Variants in LUC7L observed in about 807,000 individuals in gnomAD.
The protein encoded by LUC7L is LUC7 like, also known as putative RNA-binding protein Luc7-like 1.
LUC7L carries 29 observed loss-of-function variants against 51.1 expected under a neutral mutation model. The ratio of observed to expected loss-of-function variants is 0.57; its 90% CI spans 0.42 to 0.77. The LOEUF (loss-of-function observed/expected upper bound fraction) is 0.77, where lower values mean the gene tolerates loss of function less well. LUC7L is among the 30% of genes least tolerant of loss of function. The pLI, the probability that LUC7L is intolerant of heterozygous loss-of-function variation, is 0.00. For missense variants in LUC7L, 403 were observed against 511.9 expected (o/e 0.79, Z 2.05); for synonymous variants, 181 against 180.7 (o/e 1.00, Z -0.01).
intron 2 of LUC7L, among the ~76,000 whole-genome samples, chr16:221,269 C>T (rs1262205065): frequency 6.9e-6 from 1 of 144,796 alleles, no homozygotes; most frequent in East Asian, 2.1e-4. Context: ...GGTCTTGAAC[C>T]TCTGACCTCA....
chr16:225,110 C>A (rs1375043882), intron 2 of LUC7L, among the ~76,000 whole-genome samples: 1 of 152,100 alleles, frequency 6.6e-6, no homozygotes, highest in East Asian at 1.9e-4. Flanking sequence ...GTTTTTTACT[C>A]CACAACCTGT....
rs140331805 is a variant in LUC7L at position 205,972 on chromosome 16, T to A, written c.510+32A>T. The A allele has an allele frequency of 3.4e-5, 54 of 1,582,928 alleles. No homozygotes were observed. In the African/African-American group the frequency reaches 6.7e-4, roughly 20 times the overall value. Reference sequence around the variant, plus strand: ...GTCAACGCTGCCAAATTACTAAGATTTCTCTTGCCCTAAGGCACTTATCTC... The same window carrying A: ...GTCAACGCTGCCAAATTACTAAGATATCTCTTGCCCTAAGGCACTTATCTC... On this transcript the variant is annotated intron_variant, in intron 5 of 9. Coordinates refer to ENST00000293872, the MANE Select transcript of LUC7L (RefSeq NM_201412.3).
intron 6 of LUC7L, among the ~76,000 whole-genome samples, 198 bp downstream of exon 6, chr16:198,864 G>C (rs912089094): frequency 2.6e-5 from 4 of 151,942 alleles, no homozygotes; most frequent in African/African-American, 9.7e-5. Context: ...TTTTTCGGTA[G>C]AGACGGGGTT....
At chr16:228,932 C>T in intron 1 of LUC7L, 1 of 1,384,676 alleles carries the variant, frequency 7.2e-7, no homozygotes, top group Non-Finnish European at 9.5e-7. Context: ...TGCCAGCGAC[C>T]TGGAGCCCAC....
At chr16:189,651 A>G (rs540197981) in intron 9 of LUC7L, 2 of 1,322,140 alleles carry the variant, frequency 1.5e-6, no homozygotes, top group East Asian at 5.4e-5. Flanking sequence ...AATATCAAAA[A>G]CAAAAACCAA....
At chr16:197,246 C>G (rs950177877) in intron 6 of LUC7L, among the ~76,000 whole-genome samples, 2 of 122,078 alleles carry the variant, frequency 1.6e-5, no homozygotes, top group African/African-American at 6.3e-5. Context: ...CGGAGTCTTG[C>G]TCTGTCTCGT....
chr16:190,360 G>A (rs754266324), intron 8 of LUC7L, among the ~76,000 whole-genome samples, 181 bp downstream of exon 8: 16 of 151,936 alleles, frequency 1.1e-4, no homozygotes, highest in Non-Finnish European at 1.8e-4. Flanking sequence ...TGCAGGCCCC[G>A]ACCTTCCCTC....
chr16:201,244 A>T (rs1419095685), intron 5 of LUC7L, among the ~76,000 whole-genome samples: 1,551 of 38,936 alleles, frequency 0.04, 38 homozygotes, highest in African/African-American at 0.094. Flanking sequence ...TACATAACTA[A>T]AAAAAAAAAA....
intron 5 of LUC7L, among the ~76,000 whole-genome samples, chr16:201,384 G>A (rs1246663120): frequency 6.6e-6 from 1 of 151,172 alleles, no homozygotes; most frequent in Non-Finnish European, 1.5e-5. Context: ...CTCTGATTAT[G>A]TTGAGTAAAA....
chr16:215,996 GC>G (rs1477469367), intron 3 of LUC7L, among the ~76,000 whole-genome samples: 3 of 151,316 alleles, frequency 2.0e-5, no homozygotes, highest in African/African-American at 7.3e-5. Flanking sequence ...TGCCTGCCCA[GC>G]CCGGTTTACT....
intron 7 of LUC7L, chr16:190,927 C>T (rs1443450673): frequency 5.1e-6 from 1 of 195,228 alleles, no homozygotes; most frequent in Non-Finnish European, 1.0e-5. Flanking sequence ...CACCCCTATT[C>T]CTCACCCTCT....
intron 7 of LUC7L, 39 bp downstream of exon 7, chr16:192,888 G>A: frequency 1.3e-6 from 2 of 1,540,562 alleles, no homozygotes; most frequent in Non-Finnish European, 8.9e-7. Context: ...GAATGCCCGA[G>A]GCCAATGCAG....
chr16:206,640 A>C (rs753155312), intron 4 of LUC7L, among the ~76,000 whole-genome samples: 10 of 152,210 alleles, frequency 6.6e-5, no homozygotes, highest in Admixed American at 1.3e-4. Context: ...AGAGTGATGT[A>C]AATGGCACTC....
chr16:211,423 A>G (rs1425226597), intron 3 of LUC7L, among the ~76,000 whole-genome samples: 3 of 152,132 alleles, frequency 2.0e-5, no homozygotes, highest in African/African-American at 7.2e-5. Flanking sequence ...ACGCCACTGC[A>G]CTCCAGCCTG....
chr16:225,691 A>G (rs6600186), intron 2 of LUC7L, among the ~76,000 whole-genome samples: 92,204 of 150,458 alleles, frequency 0.61, 28,728 homozygotes, highest in African/African-American at 0.73. Flanking sequence ...ATCTATGTTG[A>G]TCAGGCTGGT....
chr16:191,204 T>C (rs1265483598), intron 7 of LUC7L, among the ~76,000 whole-genome samples: 1 of 152,140 alleles, frequency 6.6e-6, no homozygotes, highest in African/African-American at 2.4e-5. Context: ...CTCCAGTCTT[T>C]ACAACAGACA....
At position 202,244 on chromosome 16, in the gene LUC7L, A is replaced by G. The variant is rs918497506; in HGVS notation, c.511-3006T>C. 4.9e-5 allele frequency among the ~76,000 whole-genome samples: 6 copies of G among 121,352 alleles called. No homozygotes were observed. The East Asian group carries it at 1.1e-3, about 22-fold the overall frequency. 79.6% of individuals were successfully genotyped at this position (121,352 alleles called of 152,430 possible). ...GAGTCAGCATATCACATGGCAAAAG[A>G]AGGAGTGAGACAGAGAGAAGGACCT... On this transcript the variant is annotated intron_variant, in intron 5 of 9. Coordinates refer to ENST00000293872, the MANE Select transcript of LUC7L (RefSeq NM_201412.3).
At chr16:218,908 T>C (rs549604807) in intron 3 of LUC7L, among the ~76,000 whole-genome samples, 1 of 84,280 alleles carries the variant, frequency 1.2e-5, no homozygotes, top group Non-Finnish European at 2.1e-5. Flanking sequence ...CTGGGCAACA[T>C]AGTAAAACCC....
intron 2 of LUC7L, among the ~76,000 whole-genome samples, chr16:226,641 A>G (rs1236929271): frequency 6.6e-6 from 1 of 152,232 alleles, no homozygotes; most frequent in Non-Finnish European, 1.5e-5. Flanking sequence ...TTGCTAGATC[A>G]AAAGTTTTCC....
Sources: gnomAD v4.1 joint callset for allele counts (sites outside exome capture counted in the v4.1 genomes callset) on GRCh38, gnomAD v4.1.1 for gene constraint, MANE v1.5 for transcripts, NCBI Gene and HGNC (gene_info 2026-07-23, HGNC 2026-07-21) for gene names.